KCNMA1: variants seen among roughly 807,000 people sequenced by gnomAD.
The protein encoded by KCNMA1 is Calcium-activated potassium channel subunit alpha-1.
KCNMA1 carries 29 observed loss-of-function variants against 140.0 expected under a neutral mutation model. The observed-to-expected ratio is 0.21, with a 90% confidence interval of 0.15 to 0.28. The LOEUF is 0.28. Among genes scored for constraint, KCNMA1 ranks in the 10% least tolerant of loss-of-function variants. The pLI, the probability that KCNMA1 is intolerant of heterozygous loss-of-function variation, is 1.00. For synonymous variants in KCNMA1, 612 were observed against 611.9 expected (o/e 1.00, Z 0.00); for missense variants, 880 against 1,602.2 (o/e 0.55, Z 7.70).
At chr10:77,383,029 T>TATATATATATA (rs1566450922) in intron 2 of KCNMA1, among the ~76,000 whole-genome samples, 5 of 113,562 alleles carry the variant, frequency 4.4e-5, no homozygotes, top group African/African-American at 1.7e-4. Flanking sequence ...TATATATATA[T>TATATATATATA]TCCAAGTGGA....
chr10:77,078,344 G>GT (rs528740449), intron 13 of KCNMA1, among the ~76,000 whole-genome samples: 7 of 152,216 alleles, frequency 4.6e-5, no homozygotes, highest in African/African-American at 7.2e-5. Flanking sequence ...CCCTAAAGCT[G>GT]TTTTTTTGGA....
At chr10:76,945,041 T>C (rs887201948) in intron 22 of KCNMA1, 76 bp from the exon 23 acceptor site, 1 of 1,202,276 alleles carries the variant, frequency 8.3e-7, no homozygotes, top group African/African-American at 1.5e-5. Context: ...GGAGCAAAAG[T>C]GAGAGGAGAG....
In KCNMA1 at chr10:77,534,140, C is replaced by G. The variant is rs545276319; in HGVS notation, c.378+103125G>C. On this transcript the variant is annotated intron_variant, in intron 1 of 27. Transcript: ENST00000286628. ...AGCCTGGCAAACATCCAGCCCTATGCTCATCCCAGAAACCTAAAGATAAAA... is the reference window on the plus strand; with the variant it reads ...AGCCTGGCAAACATCCAGCCCTATGGTCATCCCAGAAACCTAAAGATAAAA... 8.5e-5 allele frequency among the ~76,000 whole-genome samples: 13 copies of G among 152,336 alleles called. No homozygotes were observed. In the South Asian group the frequency reaches 2.1e-3, roughly 24 times the overall value.
chr10:77,514,767 T>C (rs1424592753), intron 1 of KCNMA1, among the ~76,000 whole-genome samples: 1 of 152,232 alleles, frequency 6.6e-6, no homozygotes, highest in Non-Finnish European at 1.5e-5. Context: ...GCCCTGGCCC[T>C]GTACTTTCTC....
rs993329987 is a variant in KCNMA1 at position 77,119,553 on chromosome 10, C to T, written c.884+1420G>A. On this transcript the variant is annotated intron_variant, in intron 6 of 27. Coordinates refer to ENST00000286628, the MANE Select transcript of KCNMA1 (RefSeq NM_001161352.2). ...TGAATCTGACATACGTAAATATTGG[C>T]GAGATGCTAGCTTCATTGATCGTTT... Among the ~76,000 whole-genome samples the T allele has an allele frequency of 5.3e-5, 8 of 152,148 alleles. 1 individual carries two copies. Among genetic ancestry groups the T allele is most frequent in the Middle Eastern group, 3.4e-3 (1 of 294 alleles).
rs142362104 is a variant in KCNMA1 at position 77,533,725 on chromosome 10, C to T, written c.378+103540G>A. Among the ~76,000 whole-genome samples the T allele has an allele frequency of 6.1e-3, 934 of 152,306 alleles. 8 individuals carry two copies. Among genetic ancestry groups the T allele is most frequent in the African/African-American group, 0.022 (910 of 41,564 alleles). ...TCAAATCCTAACAAAGGAGGATGAA[C>T]TCCCCCTGCTTAGGCTTTGTGGGAG... On this transcript the variant is annotated intron_variant, in intron 1 of 27. Coordinates refer to ENST00000286628, the MANE Select transcript of KCNMA1 (RefSeq NM_001161352.2).
At chr10:77,145,855 T>A (rs2098278641) in intron 5 of KCNMA1, among the ~76,000 whole-genome samples, 1 of 152,158 alleles carries the variant, frequency 6.6e-6, no homozygotes, top group Non-Finnish European at 1.5e-5. Context: ...CTGCCATTAA[T>A]TGGGAGTGAG....
intron 27 of KCNMA1, 119 bp downstream of exon 27, chr10:76,889,332 C>A: frequency 2.7e-6 from 2 of 739,774 alleles, no homozygotes; most frequent in Non-Finnish European, 4.8e-6. Flanking sequence ...TTAATATGGG[C>A]AGAGTAATTT....
chr10:77,470,709 C>T (rs79506708), intron 1 of KCNMA1, among the ~76,000 whole-genome samples: 1,830 of 152,288 alleles, frequency 0.012, 38 homozygotes, highest in African/African-American at 0.042. Flanking sequence ...TGTGCAGGCT[C>T]CGCCATCTTA....
chr10:77,595,897 G>T (rs534663709), intron 1 of KCNMA1, among the ~76,000 whole-genome samples: 3 of 152,088 alleles, frequency 2.0e-5, no homozygotes, highest in Non-Finnish European at 4.4e-5. Flanking sequence ...TGATCCATCC[G>T]CCTCGACCTC....
rs1445509669 is a variant in KCNMA1, at chr10:77,393,154, ACAT to A, written c.540+10705_540+10707del. 2.0e-5 allele frequency among the ~76,000 whole-genome samples: 3 copies of A among 152,320 alleles called. No individual in the cohort carries two copies. In the East Asian group the frequency reaches 5.8e-4, roughly 29 times the overall value. ...TGAATTAAGTGTGTGCACAGAGCAA[ACAT>A]CATCATCTGGATGGATCCAAACCAG... On this transcript the variant is annotated intron_variant, in intron 2 of 27. Transcript: ENST00000286628.
chr10:77,337,012 T>G (rs1468362424), intron 2 of KCNMA1, among the ~76,000 whole-genome samples: 1 of 152,130 alleles, frequency 6.6e-6, no homozygotes. Context: ...AATTCTAACT[T>G]AGAGAATCAA....
chr10:77,021,765 G>T (rs987035111), intron 16 of KCNMA1, among the ~76,000 whole-genome samples: 1 of 152,134 alleles, frequency 6.6e-6, no homozygotes, highest in Admixed American at 6.6e-5. Flanking sequence ...CCCATGTGAG[G>T]TGTAAGGCAG....
At chr10:77,139,850 T>C (rs1334893960) in intron 5 of KCNMA1, among the ~76,000 whole-genome samples, 2 of 152,022 alleles carry the variant, frequency 1.3e-5, no homozygotes, top group African/African-American at 4.8e-5. Flanking sequence ...CACGCTCCCA[T>C]GGTCAAATGT....
chr10:77,248,848 A>C (rs540334174), intron 3 of KCNMA1, among the ~76,000 whole-genome samples: 40 of 152,172 alleles, frequency 2.6e-4, no homozygotes, highest in Non-Finnish European at 5.4e-4. Flanking sequence ...TCCCAAACTA[A>C]AACTGAGCTT....
intron 1 of KCNMA1, among the ~76,000 whole-genome samples, chr10:77,608,426 G>C (rs1015181985): frequency 2.6e-5 from 4 of 152,084 alleles, no homozygotes; most frequent in African/African-American, 9.7e-5. Flanking sequence ...CACCCGCCTT[G>C]ACCTCTGAAA....
At chr10:77,203,268 A>G (rs1156347077) in intron 3 of KCNMA1, among the ~76,000 whole-genome samples, 4 of 152,214 alleles carry the variant, frequency 2.6e-5, no homozygotes, top group Non-Finnish European at 4.4e-5. Context: ...AGTGGAAGAC[A>G]GAAGACTCCC....
chr10:77,532,051 A>G (rs1183753342), intron 1 of KCNMA1, among the ~76,000 whole-genome samples: 2 of 152,242 alleles, frequency 1.3e-5, no homozygotes, highest in South Asian at 2.1e-4. Context: ...AAGAAAAATG[A>G]AGAGGAAAAC....
intron 25 of KCNMA1, among the ~76,000 whole-genome samples, chr10:76,898,292 T>G (rs1261754110): frequency 6.6e-6 from 1 of 151,906 alleles, no homozygotes; most frequent in Non-Finnish European, 1.5e-5. Flanking sequence ...GTTGACACAA[T>G]AAAGCTATAA....
Sources: allele counts gnomAD v4.1 joint callset (sites outside exome capture counted in the v4.1 genomes callset), GRCh38; gene constraint gnomAD v4.1.1; transcripts MANE v1.5; gene names NCBI Gene and HGNC (gene_info 2026-07-23, HGNC 2026-07-21).